The following FBXL7 variants were observed in gnomAD, a reference collection of about 807,000 sequenced individuals.
FBXL7 encodes the protein F-box/LRR-repeat protein 7.
Under a neutral mutation model 38.3 loss-of-function variants are expected in FBXL7, and 12 were observed. The ratio of observed to expected loss-of-function variants is 0.31; its 90% CI spans 0.20 to 0.51. The LOEUF (loss-of-function observed/expected upper bound fraction) is 0.51, where lower values mean the gene tolerates loss of function less well. Among genes scored for constraint, FBXL7 ranks in the 20% least tolerant of loss-of-function variants. FBXL7 has a pLI of 0.98. For missense variants in FBXL7, 567 were observed against 676.4 expected (o/e 0.84, Z 1.79); for synonymous variants, 297 against 300.9 (o/e 0.99, Z 0.13).
chr5:15,608,803 T>TA (rs1408373623), intron 1 of FBXL7, among the ~76,000 whole-genome samples: 8 of 152,262 alleles, frequency 5.3e-5, no homozygotes, highest in Non-Finnish European at 7.3e-5. Context: ...AATTCAAGTT[T>TA]AAAAAATCAT....
chr5:15,679,384 T>C (rs1742763769), intron 2 of FBXL7, among the ~76,000 whole-genome samples: 1 of 152,218 alleles, frequency 6.6e-6, no homozygotes, highest in South Asian at 2.1e-4. Flanking sequence ...GCCTTCCAGC[T>C]GCAATGCTTC....
chr5:15,787,250 A>T (rs1394740459), intron 2 of FBXL7, among the ~76,000 whole-genome samples: 3 of 152,250 alleles, frequency 2.0e-5, no homozygotes, highest in African/African-American at 7.2e-5. Flanking sequence ...AAGTAAAATC[A>T]GTCGGCATTG....
At chr5:15,662,685 C>T (rs1027391216) in intron 2 of FBXL7, among the ~76,000 whole-genome samples, 4 of 151,996 alleles carry the variant, frequency 2.6e-5, no homozygotes, top group Non-Finnish European at 5.9e-5. Context: ...TATATGGTGT[C>T]CAGGAGGAGA....
At chr5:15,567,459 T>A in intron 1 of FBXL7, among the ~76,000 whole-genome samples, 1 of 152,094 alleles carries the variant, frequency 6.6e-6, no homozygotes, top group Non-Finnish European at 1.5e-5. Flanking sequence ...AGTGAAACAG[T>A]GTGAGTTGAA....
chr5:15,644,193 C>T (rs192382253), intron 2 of FBXL7, among the ~76,000 whole-genome samples: 35 of 151,758 alleles, frequency 2.3e-4, no homozygotes, highest in Non-Finnish European at 4.9e-4. Context: ...GCGCAGTGGC[C>T]CACGCCTGTA....
chr5:15,872,611 GA>G (rs1014309497), intron 2 of FBXL7, among the ~76,000 whole-genome samples: 7 of 151,156 alleles, frequency 4.6e-5, no homozygotes, highest in African/African-American at 1.7e-4. Context: ...TGTAAAGCAA[GA>G]AAAAAAACAG....
chr5:15,658,947 G>T lies in FBXL7; in HGVS notation c.127+42875G>T, dbSNP rs1741971253. Among the ~76,000 whole-genome samples, 3 of 152,158 alleles carry T rather than the reference G, an allele frequency of 2.0e-5. No individual in the cohort carries two copies. In the South Asian group the frequency reaches 6.2e-4, roughly 32 times the overall value. Reference sequence around the variant, plus strand: ...AATTGGGCATAAGACAATATGAGGGGTGGTTTCCTCCCCTACCTTCACTGG... The same window carrying T: ...AATTGGGCATAAGACAATATGAGGGTTGGTTTCCTCCCCTACCTTCACTGG... On this transcript the variant is annotated intron_variant, in intron 2 of 3. Coordinates refer to ENST00000504595, the MANE Select transcript of FBXL7 (RefSeq NM_012304.5).
At chr5:15,656,266 A>T (rs1042396949) in intron 2 of FBXL7, among the ~76,000 whole-genome samples, 1 of 152,352 alleles carries the variant, frequency 6.6e-6, no homozygotes, top group South Asian at 2.1e-4. Flanking sequence ...TGTGAATCAT[A>T]GTAATTTATG....
At chr5:15,863,185 G>A (rs1049408735) in intron 2 of FBXL7, among the ~76,000 whole-genome samples, 1 of 152,180 alleles carries the variant, frequency 6.6e-6, no homozygotes, top group East Asian at 1.9e-4. Flanking sequence ...TTGCTCTCTA[G>A]TGCAGGTAGC....
At chr5:15,552,586 C>T (rs1033476367) in intron 1 of FBXL7, among the ~76,000 whole-genome samples, 1 of 152,174 alleles carries the variant, frequency 6.6e-6, no homozygotes, top group Non-Finnish European at 1.5e-5. Flanking sequence ...AAATCAGACT[C>T]ATATTTTTCT....
At chr5:15,638,625 G>A (rs948212527) in intron 2 of FBXL7, among the ~76,000 whole-genome samples, 5 of 152,010 alleles carry the variant, frequency 3.3e-5, no homozygotes, top group Middle Eastern at 3.4e-3. Flanking sequence ...GGGAGGGAGC[G>A]GGTAGGTAGG....
intron 2 of FBXL7, among the ~76,000 whole-genome samples, chr5:15,672,431 T>A (rs1742509045): frequency 6.6e-6 from 1 of 152,218 alleles, no homozygotes; most frequent in Admixed American, 6.5e-5. Context: ...TTAGCTATAT[T>A]AACAGTGTTT....
chr5:15,750,922 T>C (rs1736138930), intron 2 of FBXL7, among the ~76,000 whole-genome samples: 1 of 152,230 alleles, frequency 6.6e-6, no homozygotes, highest in South Asian at 2.1e-4. Context: ...TTGGTCTACC[T>C]TTGACATCTG....
intron 2 of FBXL7, among the ~76,000 whole-genome samples, chr5:15,736,057 C>CAGATGTA (rs1438746807): frequency 2.0e-5 from 3 of 152,138 alleles, no homozygotes; most frequent in Admixed American, 6.5e-5. Flanking sequence ...CTAGTTGCTT[C>CAGATGTA]AGATGTAAGA....
chr5:15,558,388 T>C (rs1312762836), intron 1 of FBXL7, among the ~76,000 whole-genome samples: 1 of 152,174 alleles, frequency 6.6e-6, no homozygotes, highest in Non-Finnish European at 1.5e-5. Flanking sequence ...AAGCCCAATT[T>C]CTCTTTCAAA....
At chr5:15,806,107 AG>A (rs1359555350) in intron 2 of FBXL7, among the ~76,000 whole-genome samples, 1 of 152,236 alleles carries the variant, frequency 6.6e-6, no homozygotes, top group African/African-American at 2.4e-5. Flanking sequence ...AGACTGAAGA[AG>A]GACAAAATGA....
intron 2 of FBXL7, among the ~76,000 whole-genome samples, chr5:15,631,667 C>CAAAAAA (rs754975686): frequency 2.3e-5 from 1 of 43,928 alleles, no homozygotes; most frequent in Non-Finnish European, 4.0e-5. Context: ...AGCGAGACTC[C>CAAAAAA]AAAAAAAAAA....
At chr5:15,751,637 G>A (rs1736157677) in intron 2 of FBXL7, among the ~76,000 whole-genome samples, 1 of 152,066 alleles carries the variant, frequency 6.6e-6, no homozygotes, top group African/African-American at 2.4e-5. Context: ...TTTTGGAGAG[G>A]GAACCTTACC....
At chr5:15,733,624 G>T (rs1393033452) in intron 2 of FBXL7, among the ~76,000 whole-genome samples, 1 of 152,136 alleles carries the variant, frequency 6.6e-6, no homozygotes, top group Non-Finnish European at 1.5e-5. Flanking sequence ...CCAGAATTTG[G>T]AGTCTGACAT....
Sources: allele counts gnomAD v4.1 joint callset (sites outside exome capture counted in the v4.1 genomes callset), GRCh38; gene constraint gnomAD v4.1.1; transcripts MANE v1.5; gene names NCBI Gene and HGNC (gene_info 2026-07-23, HGNC 2026-07-21).